GRIN2A: variants seen among roughly 807,000 people sequenced by gnomAD.
The protein encoded by GRIN2A is glutamate receptor ionotropic, NMDA 2A.
In GRIN2A, 22 loss-of-function variants were observed where a neutral mutation model predicts 113.4. That is an observed-to-expected ratio of 0.19 (90% CI 0.14 to 0.28). The LOEUF is 0.28. Ranked by LOEUF, GRIN2A falls within the 10% of genes least tolerant of loss-of-function variation. The pLI is 1.00. For synonymous variants in GRIN2A, 827 were observed against 738.4 expected (o/e 1.12, Z -1.94); for missense variants, 1,502 against 1,887.0 (o/e 0.80, Z 3.78).
chr16:10,094,126 G>C (rs961670395), intron 2 of GRIN2A, among the ~76,000 whole-genome samples: 9 of 152,194 alleles, frequency 5.9e-5, no homozygotes, highest in African/African-American at 2.2e-4. Context: ...TCAGCACTAA[G>C]CCACGTGTAC....
intron 4 of GRIN2A, among the ~76,000 whole-genome samples, chr16:9,884,269 C>T (rs897255364): frequency 1.3e-5 from 2 of 152,154 alleles, no homozygotes; most frequent in African/African-American, 2.4e-5. Context: ...TATTGTAAGG[C>T]CAGGCGCAGT....
At chr16:9,994,819 T>C (rs555560221) in intron 2 of GRIN2A, among the ~76,000 whole-genome samples, 1 of 152,348 alleles carries the variant, frequency 6.6e-6, no homozygotes, top group Non-Finnish European at 1.5e-5. Flanking sequence ...TTTTCCAGTG[T>C]CTCCTGTTGC....
intron 2 of GRIN2A, among the ~76,000 whole-genome samples, chr16:10,108,175 C>T (rs773995290): frequency 6.6e-6 from 1 of 152,196 alleles, no homozygotes; most frequent in East Asian, 1.9e-4. Flanking sequence ...ACTTACAGTA[C>T]CACATGGCTG....
At chr16:9,829,274 A>AGG (rs2042443514) in intron 9 of GRIN2A, 149 bp downstream of exon 9, 1 of 629,240 alleles carries the variant, frequency 1.6e-6, no homozygotes, top group Non-Finnish European at 2.9e-6. Flanking sequence ...TTTGAGAAAG[A>AGG]GGACAATTTG....
chr16:10,040,043 C>CTA (rs1362036691), intron 2 of GRIN2A, among the ~76,000 whole-genome samples: 1 of 36,342 alleles, frequency 2.8e-5, no homozygotes, highest in Non-Finnish European at 6.0e-5. Flanking sequence ...CTACACACAT[C>CTA]CACACACCAC....
At chr16:10,005,285 C>T (rs2046386670) in intron 2 of GRIN2A, among the ~76,000 whole-genome samples, 1 of 152,140 alleles carries the variant, frequency 6.6e-6, no homozygotes, top group African/African-American at 2.4e-5. Context: ...ATATTCTGGG[C>T]CAATGTACCC....
chr16:9,927,722 T>C (rs2044496376), intron 3 of GRIN2A, among the ~76,000 whole-genome samples: 1 of 152,228 alleles, frequency 6.6e-6, no homozygotes, highest in African/African-American at 2.4e-5. Flanking sequence ...CGTTTAAAAA[T>C]ATATATGCTT....
At chr16:9,974,892 G>A (rs1401856205) in intron 2 of GRIN2A, among the ~76,000 whole-genome samples, 2 of 152,142 alleles carry the variant, frequency 1.3e-5, no homozygotes, top group African/African-American at 4.8e-5. Flanking sequence ...TAGAAGTGGT[G>A]AGATTGAACA....
At chr16:10,050,277 G>A (rs1413840816) in intron 2 of GRIN2A, among the ~76,000 whole-genome samples, 1 of 152,152 alleles carries the variant, frequency 6.6e-6, no homozygotes, top group Admixed American at 6.5e-5. Context: ...CTCTGGAGTA[G>A]GGATCCCCAA....
chr16:10,016,349 C>T (rs1289766183), intron 2 of GRIN2A, among the ~76,000 whole-genome samples: 2 of 151,648 alleles, frequency 1.3e-5, no homozygotes, highest in Non-Finnish European at 2.9e-5. Context: ...ACAATCAGCA[C>T]ACAGCTCAAA....
At chr16:9,894,863 A>G (rs146768620) in intron 3 of GRIN2A, among the ~76,000 whole-genome samples, 4 of 152,254 alleles carry the variant, frequency 2.6e-5, no homozygotes, top group Non-Finnish European at 5.9e-5. Flanking sequence ...ACATCTGTCA[A>G]TGCAGTCATT....
chr16:9,807,592 G>A (rs1837378678), intron 10 of GRIN2A, among the ~76,000 whole-genome samples: 3 of 152,198 alleles, frequency 2.0e-5, no homozygotes, highest in Admixed American at 1.3e-4. Context: ...TGTAACGTTG[G>A]ACCCAAACTG....
intron 2 of GRIN2A, among the ~76,000 whole-genome samples, chr16:10,072,285 T>C (rs1265905709): frequency 6.6e-6 from 1 of 152,194 alleles, no homozygotes; most frequent in East Asian, 1.9e-4. Context: ...ATTTGCAGCA[T>C]GAGAATAAAC....
At chr16:10,106,797 C>G (rs1056547739) in intron 2 of GRIN2A, among the ~76,000 whole-genome samples, 2 of 152,010 alleles carry the variant, frequency 1.3e-5, no homozygotes, top group Non-Finnish European at 2.9e-5. Context: ...AGAAAGGCAA[C>G]AGGTAGAGCA....
chr16:10,037,701 C>A (rs2047061252), intron 2 of GRIN2A, among the ~76,000 whole-genome samples: 1 of 152,174 alleles, frequency 6.6e-6, no homozygotes. Flanking sequence ...TCAGAGTTCA[C>A]TGCAGCCTCT....
intron 4 of GRIN2A, among the ~76,000 whole-genome samples, chr16:9,851,196 C>T (rs1254057450): frequency 6.6e-6 from 1 of 152,126 alleles, no homozygotes; most frequent in Non-Finnish European, 1.5e-5. Flanking sequence ...CTAAGATTAC[C>T]TCATCATATG....
At position 9,912,568 on chromosome 16, in the gene GRIN2A, GA is replaced by G. The variant is rs57150687; in HGVS notation, c.1008-21469del. Among the ~76,000 whole-genome samples the G allele has an allele frequency of 9.0e-3, 1,353 of 150,500 alleles. 20 individuals are homozygous for G. The highest frequency in any genetic ancestry group is 0.032 in the African/African-American group (1,287 of 39,992). On this transcript the variant is annotated intron_variant, in intron 3 of 12. Transcript: ENST00000330684. ...TTAAGAACAGAAGCTTTGGACTTAA[GA>G]GTCCTTGCTTTGTATCTCAGTATTG...
rs1900802266 is a variant in GRIN2A at position 9,764,703 on chromosome 16, C to T, written c.2841G>A (p.Arg947=). Residue 947 remains arginine, a synonymous_variant, in exon 13 of 13, where the codon AGG becomes AGA. Transcript: ENST00000330684. ...DKGNLMYSDN[R]SFQGKESIFG... is the part of the protein sequence containing the mutation. ...AAATGCTCTCTTTCCCCTGAAAGGACCTGTTGTCTGAGTACATCAAATTCC... is the reference window on the plus strand; with the variant it reads ...AAATGCTCTCTTTCCCCTGAAAGGATCTGTTGTCTGAGTACATCAAATTCC... 6.2e-7 allele frequency: 1 copy of T among 1,614,194 alleles called. No individual in the cohort carries two copies. The highest frequency in any genetic ancestry group is 8.5e-7 in the Non-Finnish European group (1 of 1,180,024).
chr16:10,033,481 C>A lies in GRIN2A; in HGVS notation c.415-94930G>T, dbSNP rs183224270. ...AAATAAACAGGATGATGTGATGAAA[C>A]AAAACTGAGAGTGAGGGGTTAGAAC... On this transcript the variant is annotated intron_variant, in intron 2 of 12. Transcript: ENST00000330684. 1.6e-3 allele frequency among the ~76,000 whole-genome samples: 243 copies of A among 152,242 alleles called. 8 individuals carry two copies. The South Asian group carries it at 0.047, about 29-fold the overall frequency.
Sources: allele counts gnomAD v4.1 joint callset (sites outside exome capture counted in the v4.1 genomes callset), GRCh38; gene constraint gnomAD v4.1.1; transcripts MANE v1.5; gene names NCBI Gene and HGNC (gene_info 2026-07-23, HGNC 2026-07-21).